The following PSMB8 variants were observed in gnomAD, a reference collection of about 807,000 sequenced individuals.
PSMB8 encodes the protein proteasome 20S subunit beta 8.
PSMB8 carries 20 observed loss-of-function variants against 32.3 expected under a neutral mutation model. The ratio of observed to expected loss-of-function variants is 0.62; its 90% CI spans 0.44 to 0.90. The LOEUF is 0.90. Among genes scored for constraint, PSMB8 ranks in the 40% least tolerant of loss-of-function variants. The probability of loss-of-function intolerance (pLI) is 0.00; values close to 1 mark genes in which losing one functional copy is unlikely to be tolerated. For synonymous variants in PSMB8, 131 were observed against 135.4 expected, an observed-to-expected ratio of 0.97 and a Z score of 0.23; for missense variants, 342 against 365.4, an observed-to-expected ratio of 0.94 and a Z score of 0.52.
chr6:32,842,998 A>G lies in PSMB8; in HGVS notation c.239T>C (p.Phe80Ser), dbSNP rs975226751. 5.6e-6 allele frequency: 9 copies of G among 1,613,012 alleles called. No individual in the cohort carries two copies. In the African/African-American group the frequency reaches 1.2e-4, roughly 22 times the overall value. ...CACTGCTGCAATCACTCCATGCTGG[A>G]ACTTGAAGGCGAGCGTGGTGGTGCC... Reference protein sequence around the residue: ...AHGTTTLAFKFQHGVIAAVDS... With the variant: ...AHGTTTLAFKSQHGVIAAVDS... Residue 80 changes from phenylalanine (F) to serine (S), a missense_variant, in exon 2 of 6, where the codon TTC (phenylalanine) becomes TCC (serine). By Grantham distance (155) the Phe-to-Ser change is radical (BLOSUM62 -2). Coordinates refer to ENST00000374882, the MANE Select transcript of PSMB8 (RefSeq NM_148919.4).
intron 1 of PSMB8, 75 bp downstream of exon 1, chr6:32,843,775 T>G: frequency 6.3e-7 from 1 of 1,580,964 alleles, no homozygotes. Flanking sequence ...CGCTCTCGCC[T>G]CCTCCTCTCA....
chr6:32,841,954 C>T, intron 4 of PSMB8, 180 bp downstream of exon 4: 2 of 1,057,922 alleles, frequency 1.9e-6, no homozygotes, highest in East Asian at 5.1e-5. Flanking sequence ...TTACAAAACA[C>T]ATGCAATGAT....
upstream of PSMB8, chr6:32,844,082 C>CT: frequency 1.9e-6 from 3 of 1,563,424 alleles, no homozygotes; most frequent in Non-Finnish European, 8.7e-7. Flanking sequence ...GAACAAGACT[C>CT]TTTTCCACAT....
chr6:32,843,582 C>T (rs1160658790), intron 1 of PSMB8, among the ~76,000 whole-genome samples: 1 of 152,176 alleles, frequency 6.6e-6, no homozygotes, highest in Non-Finnish European at 1.5e-5. Context: ...AAGGCTCCAC[C>T]ATTTGTGTGT....
At chr6:32,844,074 A>G, upstream of PSMB8, 1 of 1,576,666 alleles carries the variant, frequency 6.3e-7, no homozygotes, top group Non-Finnish European at 8.6e-7. Context: ...AGGGGAGGGA[A>G]CAAGACTCTT....
At chr6:32,844,094 C>T (rs1582614811), upstream of PSMB8, 2 of 1,542,792 alleles carry the variant, frequency 1.3e-6, no homozygotes, top group South Asian at 2.4e-5. Flanking sequence ...TTTCCACATC[C>T]CCCTGCCTTT....
upstream of PSMB8, chr6:32,844,612 C>T (rs1173607134): frequency 5.3e-5 from 33 of 619,658 alleles, 1 homozygote; most frequent in Non-Finnish European, 2.8e-6. Context: ...TAGTCACCCA[C>T]AAGAGCGTGC....
chr6:32,844,110 G>GAAAA (rs957533785), upstream of PSMB8: 5 of 1,520,058 alleles, frequency 3.3e-6, no homozygotes, highest in African/African-American at 5.5e-5. Flanking sequence ...CCTTTTCCGA[G>GAAAA]AAAAGGACAG....
In PSMB8 at chr6:32,840,875, C is replaced by T. The variant is rs1407292257; in HGVS notation, c.*84G>A. 1.1e-5 allele frequency: 13 copies of T among 1,230,452 alleles called. No individual in the cohort carries two copies. The highest frequency in any genetic ancestry group is 1.6e-5 in the Non-Finnish European group (13 of 834,990). 76.2% of individuals were successfully genotyped at this position (1,230,452 alleles called of 1,614,324 possible). The stretch of plus-strand genomic sequence containing the variant: ...CTCTTTGGCTCAGGCTAGGCCTCTT[C>T]TTCTCCTTGGACTTAACGTGGCTTA... On this transcript the variant is annotated 3_prime_UTR_variant, in exon 6 of 6. Transcript: ENST00000374882.
In PSMB8 at chr6:32,841,018, T is replaced by C. The variant is rs1040667874; in HGVS notation, c.772A>G (p.Lys258Glu). The C allele has an allele frequency of 1.2e-6, 2 of 1,613,298 alleles. No homozygotes were observed. The highest frequency in any genetic ancestry group is 3.3e-5 in the Admixed American group (2 of 59,996). The part of the protein sequence containing the change: ...MYHMKEDGWV[K>E]VESTDVSDLL... The stretch of plus-strand genomic sequence containing the variant: ...TCACTGACATCTGTACTTTCTACTT[T>C]CACCCAACCATCTTCCTTCATGTGG... The change falls in exon 6 of 6, where the codon AAA becomes GAA. Residue 258 changes from lysine to glutamate, a missense_variant. By Grantham distance (56) the Lys-to-Glu change is moderately conservative. Transcript: ENST00000374882.
rs113178719 is a variant in PSMB8, at chr6:32,842,768, T to C, written c.311A>G (p.Asn104Ser). ...GTAAGGGTTAATCTCAATCACCTTG[T>C]TCACCCGTAAGGCACCTGGAAGAAG... is the stretch of plus-strand genomic sequence containing the variant. ...AGSYISALRV[N>S]KVIEINPYLL... The change falls in exon 3 of 6, where the codon AAC (asparagine) becomes AGC (serine). Residue 104 changes from asparagine to serine, a missense_variant. Asn to Ser is a conservative substitution (Grantham distance 46, BLOSUM62 1). Coordinates refer to ENST00000374882, the MANE Select transcript of PSMB8 (RefSeq NM_148919.4). The C allele has an allele frequency of 3.1e-6, 5 of 1,614,204 alleles. No individual in the cohort carries two copies. In the African/African-American group the frequency reaches 4.0e-5, roughly 13 times the overall value.
In PSMB8 at chr6:32,841,718, G is replaced by T. The variant is rs751342591; in HGVS notation, c.555C>A (p.Tyr185Ter). The T allele has an allele frequency of 6.2e-7, 1 of 1,612,730 alleles. No individual in the cohort carries two copies. The highest frequency in any genetic ancestry group is 1.1e-5 in the South Asian group (1 of 91,084). Residue 185 changes from tyrosine to a stop codon, truncating the protein, a stop_gained, in exon 5 of 6, where the codon TAC becomes TAA. Coordinates refer to ENST00000374882, the MANE Select transcript of PSMB8 (RefSeq NM_148919.4). LOFTEE classifies it high-confidence loss of function. ...AGAGCCGAGTCCCATGTTCATCCAC[G>T]TAGTAGAGTCCAGGACCCTATAAGA... ...GWDKKGPGLYYVDEHGTRLSG... is the reference protein window; with the variant it reads ...GWDKKGPGLY
chr6:32,844,647 T>C (rs567819802), upstream of PSMB8: 14 of 564,648 alleles, frequency 2.5e-5, no homozygotes, highest in South Asian at 2.7e-4. Flanking sequence ...CTTCCTAGCG[T>C]TGCTCCCTGC....
intron 4 of PSMB8, 165 bp downstream of exon 4, chr6:32,841,969 A>G: frequency 1.8e-6 from 2 of 1,122,302 alleles, no homozygotes; most frequent in South Asian, 1.3e-5. Flanking sequence ...AATGATTCAT[A>G]TCTGGGCCAA....
chr6:32,841,471 A>ACC lies in PSMB8; in HGVS notation c.742+58_742+59dup, dbSNP rs1002655422. 4.0e-6 allele frequency: 6 copies of ACC among 1,515,618 alleles called. No individual in the cohort carries two copies. The African/African-American group carries it at 4.2e-5, about 11-fold the overall frequency. The allele number at this position is 1,515,618 out of a possible 1,614,324, so 93.9% of individuals were successfully genotyped here. On this transcript the variant is annotated intron_variant, in intron 5 of 5. Transcript: ENST00000374882. Reference sequence around the variant, plus strand: ...CAGGCTGGTTTCTCAATCTTAAATCACCCCCCCCACCACCCGCCGACTCCT... The same window carrying ACC: ...CAGGCTGGTTTCTCAATCTTAAATCACCCCCCCCCCACCACCCGCCGACTCCT...
At chr6:32,842,072 G>C (rs1769936174) in intron 4 of PSMB8, 62 bp downstream of exon 4, 7 of 1,612,016 alleles carry the variant, frequency 4.3e-6, no homozygotes, top group Non-Finnish European at 5.9e-6. Flanking sequence ...TATATGATGG[G>C]AAACAGATCT....
At chr6:32,842,072 G>A in intron 4 of PSMB8, 62 bp downstream of exon 4, 1 of 1,612,016 alleles carries the variant, frequency 6.2e-7, no homozygotes, top group Non-Finnish European at 8.5e-7. Flanking sequence ...TATATGATGG[G>A]AAACAGATCT....
In PSMB8 at chr6:32,841,478, C is replaced by G. The variant is rs542781886; in HGVS notation, c.742+53G>C. On this transcript the variant is annotated intron_variant, in intron 5 of 5. Coordinates refer to ENST00000374882, the MANE Select transcript of PSMB8 (RefSeq NM_148919.4). ...GTTTCTCAATCTTAAATCACCCCCC[C>G]CACCACCCGCCGACTCCTCCCAGGC... is the stretch of plus-strand genomic sequence containing the variant. 24 of 1,568,788 alleles carry G rather than the reference C, an allele frequency of 1.5e-5. No homozygotes were observed. The East Asian group carries it at 3.1e-4, about 20-fold the overall frequency.
intron 5 of PSMB8, 151 bp from the exon 6 acceptor site, chr6:32,841,198 T>C (rs1230563572): frequency 2.6e-6 from 2 of 756,244 alleles, no homozygotes; most frequent in African/African-American, 1.7e-5. Flanking sequence ...CTCTGAAAAT[T>C]TCCTCCCTAC....
Sources: allele counts gnomAD v4.1 joint callset (sites outside exome capture counted in the v4.1 genomes callset), GRCh38; gene constraint gnomAD v4.1.1; transcripts MANE v1.5; gene names NCBI Gene and HGNC (gene_info 2026-07-23, HGNC 2026-07-21).